The following EEF2K variants were observed in gnomAD, a reference collection of about 807,000 sequenced individuals.
EEF2K encodes eukaryotic elongation factor 2 kinase, also known as alternative protein EEF2K.
A neutral mutation model predicts 93.8 loss-of-function variants in EEF2K; 70 were observed. That is an observed-to-expected ratio of 0.75 (90% confidence interval 0.62 to 0.91). EEF2K has a LOEUF of 0.91. EEF2K is among the 40% of genes least tolerant of loss of function. EEF2K has a pLI of 0.00. For synonymous variants in EEF2K, 376 were observed against 380.8 expected, an observed-to-expected ratio of 0.99 and a Z score of 0.15; for missense variants, 935 against 972.9, an observed-to-expected ratio of 0.96 and a Z score of 0.52.
At chr16:22,207,994 G>T (rs1400402268) in intron 1 of EEF2K, among the ~76,000 whole-genome samples, 2 of 152,166 alleles carry the variant, frequency 1.3e-5, no homozygotes, top group African/African-American at 4.8e-5. Flanking sequence ...CACAGCACCC[G>T]ATGTTCATTC....
rs1430688916 is a variant in EEF2K, at chr16:22,266,799, G to A, written c.1687G>A (p.Glu563Lys). Residue 563 changes from glutamate to lysine, a missense_variant, in exon 15 of 18, where the codon GAG becomes AAG. By Grantham distance (56) the Glu-to-Lys change is moderately conservative (BLOSUM62 1). Transcript: ENST00000263026. ...CCTGGAGCACGCAGCCAACCTGGGC[G>A]AGCTGGAGGCCATCGTGGGCCTGGG... ...FHLEHAANLG[E>K]LEAIVGLGLM... is the part of the protein sequence containing the mutation. 8 of 1,614,084 alleles carry A rather than the reference G, an allele frequency of 5.0e-6. No homozygotes were observed. The highest frequency in any genetic ancestry group is 2.7e-5 in the African/African-American group (2 of 74,944).
At chr16:22,214,433 C>A (rs62044760) in intron 1 of EEF2K, among the ~76,000 whole-genome samples, 16 of 151,696 alleles carry the variant, frequency 1.1e-4, no homozygotes, top group Admixed American at 7.9e-4. Context: ...CAGAGTGAGA[C>A]CCTGTCTCAA....
At chr16:22,276,896 A>G (rs954562138) in intron 16 of EEF2K, among the ~76,000 whole-genome samples, 1 of 152,018 alleles carries the variant, frequency 6.6e-6, no homozygotes, top group Non-Finnish European at 1.5e-5. Context: ...ATCTCTACTA[A>G]AAATACAAAA....
rs150333899 is a variant in EEF2K at position 22,210,273 on chromosome 16, C to T, written c.-77+3594C>T. Among the ~76,000 whole-genome samples, 56 of 152,266 alleles carry T rather than the reference C, an allele frequency of 3.7e-4. No homozygotes were observed. In the East Asian group the frequency reaches 6.4e-3, roughly 17 times the overall value. On this transcript the variant is annotated intron_variant, in intron 1 of 17. Transcript: ENST00000263026. ...TTCTGTTCTCCAGCTGTGAAGCTTTCGAGCTCTAGCAAGGACTAGCAAGCC... is the reference window on the plus strand; with the variant it reads ...TTCTGTTCTCCAGCTGTGAAGCTTTTGAGCTCTAGCAAGGACTAGCAAGCC...
intron 1 of EEF2K, among the ~76,000 whole-genome samples, chr16:22,213,987 G>A (rs991192766): frequency 6.6e-6 from 1 of 152,206 alleles, no homozygotes; most frequent in African/African-American, 2.4e-5. Context: ...TTAGGATGTA[G>A]CCATCTTAGG....
intron 1 of EEF2K, among the ~76,000 whole-genome samples, chr16:22,207,210 C>T (rs1303419914): frequency 1.3e-5 from 2 of 152,188 alleles, no homozygotes; most frequent in Admixed American, 1.3e-4. Flanking sequence ...AGCCGGTGGC[C>T]GCGCGGGGGT....
At chr16:22,234,505 C>G (rs943399949) in intron 2 of EEF2K, among the ~76,000 whole-genome samples, 3 of 150,450 alleles carry the variant, frequency 2.0e-5, no homozygotes, top group Admixed American at 2.0e-4. Context: ...TGCAGTGAGC[C>G]AAGATCGCAC....
intron 4 of EEF2K, 93 bp downstream of exon 4, chr16:22,248,908 T>C: frequency 7.9e-7 from 1 of 1,268,814 alleles, no homozygotes; most frequent in South Asian, 1.4e-5. Flanking sequence ...CCACTCCCAC[T>C]TTATTTAATT....
intron 1 of EEF2K, among the ~76,000 whole-genome samples, chr16:22,212,255 C>CA (rs2046921783): frequency 6.6e-6 from 1 of 152,038 alleles, no homozygotes; most frequent in Admixed American, 6.6e-5. Context: ...TTTAGCAGAG[C>CA]AAATGATGAC....
At position 22,211,420 on chromosome 16, in the gene EEF2K, A is replaced by C. The variant is rs148520608; in HGVS notation, c.-77+4741A>C. The stretch of plus-strand genomic sequence containing the variant: ...TAAGTAACTCCTATGTAGTTACAAC[A>C]CAGTAGGTTGTTTTGTTTGTTTTTG... On this transcript the variant is annotated intron_variant, in intron 1 of 17. Coordinates refer to ENST00000263026, the MANE Select transcript of EEF2K (RefSeq NM_013302.5). Among the ~76,000 whole-genome samples, 20 of 152,132 alleles carry C rather than the reference A, an allele frequency of 1.3e-4. No homozygotes were observed. In the East Asian group the frequency reaches 3.9e-3, roughly 29 times the overall value.
At chr16:22,241,652 A>C (rs1404754270) in intron 2 of EEF2K, among the ~76,000 whole-genome samples, 4 of 151,430 alleles carry the variant, frequency 2.6e-5, no homozygotes, top group South Asian at 2.1e-4. Context: ...AAAAAAAAAA[A>C]AAAAAAAAAA....
chr16:22,278,199 G>A (rs368977490), intron 16 of EEF2K, among the ~76,000 whole-genome samples: 3 of 151,950 alleles, frequency 2.0e-5, no homozygotes, highest in South Asian at 2.1e-4. Context: ...AGAGTGAAAC[G>A]CTATCTCAAG....
intron 9 of EEF2K, among the ~76,000 whole-genome samples, 183 bp from the exon 10 acceptor site, chr16:22,258,311 T>C (rs968987584): frequency 2.0e-5 from 3 of 152,110 alleles, no homozygotes; most frequent in Non-Finnish European, 4.4e-5. Context: ...TGCCCTTTCT[T>C]GGAGGCCTTA....
chr16:22,217,600 G>A (rs982068271), intron 1 of EEF2K, among the ~76,000 whole-genome samples: 3 of 151,854 alleles, frequency 2.0e-5, no homozygotes, highest in Admixed American at 6.6e-5. Context: ...TTACCGGCTC[G>A]TGCCACCATG....
chr16:22,251,435 A>C, intron 6 of EEF2K, 113 bp downstream of exon 6: 1 of 1,251,178 alleles, frequency 8.0e-7, no homozygotes, highest in East Asian at 2.7e-5. Flanking sequence ...TTTTTTTGAG[A>C]TGAAGTCTTG....
intron 16 of EEF2K, among the ~76,000 whole-genome samples, chr16:22,274,342 G>A (rs911529051): frequency 6.6e-6 from 1 of 151,736 alleles, no homozygotes; most frequent in Non-Finnish European, 1.5e-5. Flanking sequence ...TACTCAGGAG[G>A]CTGAGGCAGG....
chr16:22,233,691 CT>C lies in EEF2K; in HGVS notation c.246+7717del, dbSNP rs2047139095. Among the ~76,000 whole-genome samples the C allele has an allele frequency of 2.0e-5, 3 of 152,090 alleles. No homozygotes were observed. In the South Asian group the frequency reaches 6.2e-4, roughly 31 times the overall value. ...AGAGCGAGACCCTCTCCCCTGCCCC[CT>C]GGCAAAAAAATATTTTCCTGATCTG... On this transcript the variant is annotated intron_variant, in intron 2 of 17. Coordinates refer to ENST00000263026, the MANE Select transcript of EEF2K (RefSeq NM_013302.5).
At chr16:22,254,410 C>G (rs1001791809) in intron 6 of EEF2K, among the ~76,000 whole-genome samples, 4 of 152,118 alleles carry the variant, frequency 2.6e-5, no homozygotes, top group Non-Finnish European at 4.4e-5. Flanking sequence ...GATCAGGACC[C>G]CTTCGGCCTC....
chr16:22,282,705 T>C (rs887428407), intron 17 of EEF2K, among the ~76,000 whole-genome samples: 1 of 152,260 alleles, frequency 6.6e-6, no homozygotes, highest in Non-Finnish European at 1.5e-5. Flanking sequence ...GCTGGTGCTA[T>C]GCTCTTGGAC....
Sources: gnomAD v4.1 joint callset for allele counts (sites outside exome capture counted in the v4.1 genomes callset) on GRCh38, gnomAD v4.1.1 for gene constraint, MANE v1.5 for transcripts, NCBI Gene and HGNC (gene_info 2026-07-23, HGNC 2026-07-21) for gene names.